Variants in NTM observed in about 807,000 individuals in gnomAD.
NTM encodes the protein neurotrimin, also known as IgLON family member 2.
In NTM, 13 loss-of-function variants were observed where a neutral mutation model predicts 42.1. That is an observed-to-expected ratio of 0.31 (90% confidence interval 0.20 to 0.49). The LOEUF (loss-of-function observed/expected upper bound fraction) is 0.49, where lower values mean the gene tolerates loss of function less well. Among genes scored for constraint, NTM ranks in the 20% least tolerant of loss-of-function variants. The pLI is 0.99. For synonymous variants in NTM, 187 were observed against 179.2 expected (o/e 1.04, Z -0.35); for missense variants, 373 against 452.8 (o/e 0.82, Z 1.60).
intron 1 of NTM, among the ~76,000 whole-genome samples, chr11:131,425,749 T>C (rs1330223975): frequency 6.6e-6 from 1 of 152,152 alleles, no homozygotes; most frequent in East Asian, 1.9e-4. Flanking sequence ...GGAATCATGA[T>C]GTAATCATGT....
chr11:132,087,956 C>A (rs1312588378), intron 2 of NTM, among the ~76,000 whole-genome samples: 5 of 152,180 alleles, frequency 3.3e-5, no homozygotes, highest in Non-Finnish European at 7.3e-5. Flanking sequence ...CCCCTTGGGT[C>A]CCCGGCATTG....
At chr11:132,202,435 C>T (rs1198236554) in intron 3 of NTM, among the ~76,000 whole-genome samples, 4 of 152,082 alleles carry the variant, frequency 2.6e-5, no homozygotes, top group East Asian at 1.9e-4. Flanking sequence ...GTCATATAGC[C>T]CCAACCCAAA....
chr11:132,052,675 T>C (rs2079020933), intron 2 of NTM, among the ~76,000 whole-genome samples: 1 of 152,178 alleles, frequency 6.6e-6, no homozygotes, highest in Non-Finnish European at 1.5e-5. Context: ...GGAATGTTAT[T>C]TGATTTGGGG....
intron 1 of NTM, among the ~76,000 whole-genome samples, chr11:131,575,125 C>T (rs538928143): frequency 1.6e-4 from 24 of 152,232 alleles, no homozygotes; most frequent in Middle Eastern, 3.4e-3. Flanking sequence ...CTCCATAATT[C>T]GCCAGTTTAG....
intron 1 of NTM, among the ~76,000 whole-genome samples, chr11:131,597,776 G>A (rs539318652): frequency 1.3e-5 from 2 of 152,296 alleles, no homozygotes; most frequent in Admixed American, 6.5e-5. Flanking sequence ...TCAAGGGAGT[G>A]CACATCTCCC....
intron 1 of NTM, among the ~76,000 whole-genome samples, chr11:131,373,644 G>A (rs1941531443): frequency 6.6e-6 from 1 of 152,070 alleles, no homozygotes; most frequent in African/African-American, 2.4e-5. Flanking sequence ...GTCCCTTGCA[G>A]AACACCCACC....
intron 2 of NTM, among the ~76,000 whole-genome samples, chr11:131,989,336 A>G (rs2066608720): frequency 6.6e-6 from 1 of 152,178 alleles, no homozygotes; most frequent in Non-Finnish European, 1.5e-5. Flanking sequence ...AATCAACAGT[A>G]ATTTATTTAG....
intron 1 of NTM, among the ~76,000 whole-genome samples, chr11:131,450,958 A>G (rs1725615067): frequency 1.3e-5 from 2 of 152,148 alleles, no homozygotes. Context: ...GGGCAGGGCA[A>G]TGGGACTCTT....
intron 1 of NTM, among the ~76,000 whole-genome samples, chr11:131,659,408 A>C (rs1164770380): frequency 6.6e-6 from 1 of 152,192 alleles, no homozygotes; most frequent in East Asian, 1.9e-4. Flanking sequence ...CCTCCATCAC[A>C]CTGGGTGAGG....
intron 2 of NTM, among the ~76,000 whole-genome samples, chr11:132,044,230 G>A (rs1299715183): frequency 3.3e-5 from 5 of 152,058 alleles, no homozygotes; most frequent in African/African-American, 4.8e-5. Context: ...CTACCACAAG[G>A]TCATTCTATA....
chr11:131,489,415 G>T (rs1954530896), intron 1 of NTM, among the ~76,000 whole-genome samples: 1 of 152,042 alleles, frequency 6.6e-6, no homozygotes, highest in Non-Finnish European at 1.5e-5. Context: ...CCTCACCAAG[G>T]GTTCACTCTG....
At chr11:132,107,409 G>C (rs970155865) in intron 2 of NTM, among the ~76,000 whole-genome samples, 1 of 135,012 alleles carries the variant, frequency 7.4e-6, no homozygotes, top group South Asian at 2.3e-4. Context: ...GGAGTACAGT[G>C]GTATGGTCAG....
At chr11:131,419,445 G>C (rs1327910919) in intron 1 of NTM, among the ~76,000 whole-genome samples, 1 of 152,212 alleles carries the variant, frequency 6.6e-6, no homozygotes, top group African/African-American at 2.4e-5. Context: ...CTTCTGGAGA[G>C]AGGACACCTA....
At chr11:132,111,063 C>CAAAAAAAAAAAAA (rs57458373) in intron 2 of NTM, among the ~76,000 whole-genome samples, 4 of 35,466 alleles carry the variant, frequency 1.1e-4, no homozygotes, top group African/African-American at 2.4e-4. Context: ...GGCCCTATCT[C>CAAAAAAAAAAAAA]AAAAAAAAAA....
chr11:132,049,366 G>C (rs1033877254), intron 2 of NTM, among the ~76,000 whole-genome samples: 1 of 152,136 alleles, frequency 6.6e-6, no homozygotes, highest in African/African-American at 2.4e-5. Flanking sequence ...TCATGCTATG[G>C]GGCTGGCCGC....
At chr11:131,565,308 C>G (rs939988274) in intron 1 of NTM, among the ~76,000 whole-genome samples, 1 of 152,226 alleles carries the variant, frequency 6.6e-6, no homozygotes, top group African/African-American at 2.4e-5. Context: ...CCATGCTTGT[C>G]TCTCTGCCTG....
chr11:131,778,336 C>G (rs2087435631), intron 1 of NTM, among the ~76,000 whole-genome samples: 1 of 152,192 alleles, frequency 6.6e-6, no homozygotes, highest in Non-Finnish European at 1.5e-5. Context: ...CAAAAGCCAT[C>G]AACTACATTC....
Position 131,621,417 on chromosome 11 carries a change from C to T in NTM, c.82+250529C>T, listed in dbSNP as rs115654947. ...CTCCGGAGAAAGCTTTGTCTGTATG[C>T]TTCTAAATGACGGTCATGGCCAAAT... On this transcript the variant is annotated intron_variant, in intron 1 of 8. Transcript: ENST00000683400. 8.0e-3 allele frequency among the ~76,000 whole-genome samples: 1,223 copies of T among 152,138 alleles called. 18 individuals are homozygous for T. The highest frequency in any genetic ancestry group is 0.028 in the African/African-American group (1,165 of 41,506).
Position 132,291,213 on chromosome 11 carries a change from C to T in NTM, c.527-16476C>T, listed in dbSNP as rs567041729. ...ACCCCTCCAGTTGTCCCTAAAGTATCAGGTGATAGAAGTGTCAGTGAACAG... is the reference window on the plus strand; with the variant it reads ...ACCCCTCCAGTTGTCCCTAAAGTATTAGGTGATAGAAGTGTCAGTGAACAG... On this transcript the variant is annotated intron_variant, in intron 4 of 8. Transcript: ENST00000683400. 1.5e-4 allele frequency among the ~76,000 whole-genome samples: 23 copies of T among 152,242 alleles called. No individual in the cohort carries two copies. The South Asian group carries it at 3.5e-3, about 23-fold the overall frequency.
Sources: gnomAD v4.1 joint callset for allele counts (sites outside exome capture counted in the v4.1 genomes callset) on GRCh38, gnomAD v4.1.1 for gene constraint, MANE v1.5 for transcripts, NCBI Gene and HGNC (gene_info 2026-07-23, HGNC 2026-07-21) for gene names.